ARCN1: variants seen among roughly 807,000 people sequenced by gnomAD.
ARCN1 encodes coatomer subunit delta.
Under a neutral mutation model 60.4 loss-of-function variants are expected in ARCN1, and 5 were observed. The ratio of observed to expected loss-of-function variants is 0.08; its 90% CI spans 0.04 to 0.17. The LOEUF is 0.17. Ranked by LOEUF, ARCN1 falls within the 10% of genes least tolerant of loss-of-function variation. ARCN1 has a pLI of 1.00. For synonymous variants in ARCN1, 224 were observed against 220.0 expected, an observed-to-expected ratio of 1.02 and a Z score of -0.16; for missense variants, 464 against 626.5, an observed-to-expected ratio of 0.74 and a Z score of 2.77.
chr11:118,581,233 A>G lies in ARCN1; in HGVS notation c.4-13A>G, dbSNP rs1938642411. On this transcript the variant is annotated splice_polypyrimidine_tract_variant and intron_variant, in intron 1 of 9. Transcript: ENST00000264028. ...AAATAATTAGTACTTACTTATGCAT[A>G]TGTTCCTGGCAGGTGCTGTTGGCAG... 1 of 1,613,640 alleles carries G rather than the reference A, an allele frequency of 6.2e-7. No homozygotes were observed.
intron 5 of ARCN1, among the ~76,000 whole-genome samples, chr11:118,588,167 G>T (rs1555075744): frequency 1.3e-5 from 2 of 152,198 alleles, no homozygotes; most frequent in African/African-American, 4.8e-5. Context: ...TGACAGGCAT[G>T]CAGAAATGTG....
At chr11:118,590,303 C>T in intron 5 of ARCN1, 38 bp from the exon 6 acceptor site, 1 of 1,581,992 alleles carries the variant, frequency 6.3e-7, no homozygotes, top group Non-Finnish European at 8.6e-7. Context: ...CCATTGGTTT[C>T]TACCTTTCTG....
rs1361432735 is a variant in ARCN1 at position 118,581,925 on chromosome 11, G to GACACACACACACACACACACACACAC, written c.267+419_267+420insCACACACACACACACACACACACACA. On this transcript the variant is annotated intron_variant, in intron 2 of 9. Coordinates refer to ENST00000264028, the MANE Select transcript of ARCN1 (RefSeq NM_001655.5). ...GGTAAGACTTACTGATCCAGAGACA[G>GACACACACACACACACACACACACAC]ACAGACAGACAGACACACACACACA... Among the ~76,000 whole-genome samples, 82 of 120,974 alleles carry GACACACACACACACACACACACACAC rather than the reference G, an allele frequency of 6.8e-4. 1 individual carries two copies. The highest frequency in any genetic ancestry group is 7.8e-4 in the Non-Finnish European group (44 of 56,340). 79.4% of individuals were successfully genotyped at this position (120,974 alleles called of 152,430 possible). A position where few individuals can be genotyped will look rare whatever the true frequency, so the allele number is the denominator to read the frequency against.
At chr11:118,590,543 T>C (rs782788354) in intron 6 of ARCN1, 37 bp downstream of exon 6, 2 of 1,601,358 alleles carry the variant, frequency 1.2e-6, no homozygotes, top group Non-Finnish European at 1.7e-6. Flanking sequence ...ATTAACACTT[T>C]GTCTACCTAT....
Position 118,601,187 on chromosome 11 carries a change from G to A in ARCN1, c.*473G>A, listed in dbSNP as rs1323804105. ...AAGCAAGTCTCCTGCCTCAGCCTCC[G>A]AGTAGCTGGGACTACAGGTGCACGC... On this transcript the variant is annotated 3_prime_UTR_variant, in exon 10 of 10. Coordinates refer to ENST00000264028, the MANE Select transcript of ARCN1 (RefSeq NM_001655.5). 7 of 228,320 alleles carry A rather than the reference G, an allele frequency of 3.1e-5. No individual in the cohort carries two copies. Among genetic ancestry groups the A allele is most frequent in the Admixed American group, 5.6e-5 (1 of 17,830 alleles). 14.1% of individuals were successfully genotyped at this position (228,320 alleles called of 1,614,324 possible).
At chr11:118,597,675 A>T (rs887374838) in intron 8 of ARCN1, 32 bp from the exon 9 acceptor site, 3 of 1,610,350 alleles carry the variant, frequency 1.9e-6, no homozygotes, top group Non-Finnish European at 2.5e-6. Flanking sequence ...AGCTCTGAAC[A>T]GCTACCTTGA....
intron 5 of ARCN1, among the ~76,000 whole-genome samples, chr11:118,589,351 C>T (rs2135548296): frequency 6.6e-6 from 1 of 152,262 alleles, no homozygotes; most frequent in African/African-American, 2.4e-5. Flanking sequence ...CTTGAAAATA[C>T]TTACAAATAG....
chr11:118,601,397 ATATAGT>A lies in ARCN1; in HGVS notation c.*688_*693del, dbSNP rs1484164408. 14 of 573,168 alleles carry A rather than the reference ATATAGT, an allele frequency of 2.4e-5. No individual in the cohort carries two copies. Among genetic ancestry groups the A allele is most frequent in the Non-Finnish European group, 4.4e-5 (14 of 319,094 alleles). The allele number at this position is 573,168 out of a possible 1,614,324, so 35.5% of individuals were successfully genotyped here. Reference sequence around the variant, plus strand: ...TTTAATCCCTAAATATAATCCCTAAATATAGTTATATTTCATACTTAGTTTGTTTTT... The same window carrying A: ...TTTAATCCCTAAATATAATCCCTAAATATATTTCATACTTAGTTTGTTTTT... On this transcript the variant is annotated 3_prime_UTR_variant, in exon 10 of 10. Transcript: ENST00000264028.
intron 1 of ARCN1, among the ~76,000 whole-genome samples, chr11:118,575,273 C>T (rs560971278): frequency 6.6e-5 from 10 of 152,246 alleles, no homozygotes; most frequent in South Asian, 4.1e-4. Flanking sequence ...CCATGGCGCC[C>T]GGCCCCTGTA....
At chr11:118,591,278 C>G (rs1274301442) in intron 6 of ARCN1, among the ~76,000 whole-genome samples, 1 of 152,174 alleles carries the variant, frequency 6.6e-6, no homozygotes, top group Non-Finnish European at 1.5e-5. Context: ...GTGTTTTTGT[C>G]TACTTTCCCC....
chr11:118,573,082 G>C (rs1938390926), intron 1 of ARCN1: 1 of 159,114 alleles, frequency 6.3e-6, no homozygotes. Flanking sequence ...TGGAGACACA[G>C]AGCGGAAAGG....
chr11:118,581,278 A>G lies in ARCN1; in HGVS notation c.36A>G (p.Ala12=). The change falls in exon 2 of 10, where the codon GCA becomes GCG. Residue 12 remains alanine, a synonymous_variant. Coordinates refer to ENST00000264028, the MANE Select transcript of ARCN1 (RefSeq NM_001655.5). Reference sequence around the variant, plus strand: ...TGGCAGCAGCGGTCTGCACAAAAGCAGGAAAGGCTATTGTTTCTCGACAGT... The same window carrying G: ...TGGCAGCAGCGGTCTGCACAAAAGCGGGAAAGGCTATTGTTTCTCGACAGT... ...VLLAAAVCTK[A]GKAIVSRQFV... is the part of the protein sequence containing the mutation. 6.2e-7 allele frequency: 1 copy of G among 1,614,262 alleles called. No individual in the cohort carries two copies. Among genetic ancestry groups the G allele is most frequent in the Middle Eastern group, 1.6e-4 (1 of 6,062 alleles).
At chr11:118,593,887 G>T (rs1034941984) in intron 8 of ARCN1, 189 bp downstream of exon 8, 2 of 448,360 alleles carry the variant, frequency 4.5e-6, no homozygotes, top group South Asian at 5.8e-5. Flanking sequence ...TTCTGGAAAA[G>T]GTAATACTAT....
Position 118,600,798 on chromosome 11 carries a change from TACAAGCCAC to T in ARCN1, c.*85_*93del, listed in dbSNP as rs1358473626. ...ATGGCTGAAGAGTTTTTCCCAGATT[TACAAGCCAC>T]TGGAGACCCCTTTTTTCTGATACAA... On this transcript the variant is annotated 3_prime_UTR_variant, in exon 10 of 10. Transcript: ENST00000264028. 2.8e-5 allele frequency: 28 copies of T among 984,560 alleles called. No individual in the cohort carries two copies. The highest frequency in any genetic ancestry group is 4.1e-5 in the Non-Finnish European group (27 of 652,500). The allele number at this position is 984,560 out of a possible 1,614,324, so 61.0% of individuals were successfully genotyped here. A position where few individuals can be genotyped will look rare whatever the true frequency, so the allele number is the denominator to read the frequency against.
chr11:118,588,347 A>G (rs549045596), intron 5 of ARCN1, among the ~76,000 whole-genome samples: 2 of 152,266 alleles, frequency 1.3e-5, no homozygotes, highest in South Asian at 2.1e-4. Context: ...GAGAAGGTCA[A>G]AGAGAGGTTC....
intron 8 of ARCN1, among the ~76,000 whole-genome samples, chr11:118,596,213 C>T (rs1212674789): frequency 6.6e-6 from 1 of 152,128 alleles, no homozygotes; most frequent in Non-Finnish European, 1.5e-5. Flanking sequence ...TAATGGGTAA[C>T]CATCTTATCC....
Position 118,601,664 on chromosome 11 carries a change from A to G in ARCN1, c.*950A>G, listed in dbSNP as rs1292956181. ...CGCATGTCTTCTGTTCTTTTCCCGTATCAATTCATTCCTTCATCTCTTTGC... is the reference window on the plus strand; with the variant it reads ...CGCATGTCTTCTGTTCTTTTCCCGTGTCAATTCATTCCTTCATCTCTTTGC... On this transcript the variant is annotated 3_prime_UTR_variant, in exon 10 of 10. Coordinates refer to ENST00000264028, the MANE Select transcript of ARCN1 (RefSeq NM_001655.5). The G allele has an allele frequency of 1.0e-5, 7 of 702,880 alleles. No homozygotes were observed. Among genetic ancestry groups the G allele is most frequent in the Non-Finnish European group, 1.6e-5 (6 of 384,998 alleles). The allele number at this position is 702,880 out of a possible 1,614,324, so 43.5% of individuals were successfully genotyped here. A position where few individuals can be genotyped will look rare whatever the true frequency, so the allele number is the denominator to read the frequency against.
At chr11:118,589,716 C>T (rs1054805821) in intron 5 of ARCN1, among the ~76,000 whole-genome samples, 4 of 152,068 alleles carry the variant, frequency 2.6e-5, no homozygotes, top group Admixed American at 6.6e-5. Flanking sequence ...CCACCACGCC[C>T]GTGAATATGC....
chr11:118,573,981 T>G (rs563400361), intron 1 of ARCN1, among the ~76,000 whole-genome samples: 2 of 152,340 alleles, frequency 1.3e-5, no homozygotes, highest in Admixed American at 1.3e-4. Context: ...GTTAAGGTCT[T>G]GTATTATATA....
Sources: gnomAD v4.1 joint callset for allele counts (sites outside exome capture counted in the v4.1 genomes callset) on GRCh38, gnomAD v4.1.1 for gene constraint, MANE v1.5 for transcripts, NCBI Gene and HGNC (gene_info 2026-07-23, HGNC 2026-07-21) for gene names.